Variants in ENPEP observed in about 807,000 individuals in gnomAD.
ENPEP encodes AP-A.
ENPEP carries 103 observed loss-of-function variants against 114.5 expected under a neutral mutation model. The observed-to-expected ratio is 0.90, with a 90% CI of 0.77 to 1.06. ENPEP has a LOEUF of 1.06. Among genes scored for constraint, ENPEP ranks in the 50% least tolerant of loss-of-function variants. The pLI, the probability that ENPEP is intolerant of heterozygous loss-of-function variation, is 0.00. For synonymous variants in ENPEP, 420 were observed against 422.0 expected (o/e 1.00, Z 0.06); for missense variants, 1,196 against 1,161.3 (o/e 1.03, Z -0.43).
chr4:110,529,876 C>G (rs1215473302), intron 10 of ENPEP, among the ~76,000 whole-genome samples: 1 of 151,870 alleles, frequency 6.6e-6, no homozygotes, highest in Non-Finnish European at 1.5e-5. Flanking sequence ...GAGTTCGAGA[C>G]CAACCTGGCC....
Position 110,565,089 on chromosome 4 carries a change from T to C in ENPEP, c.*3531T>C, listed in dbSNP as rs1727784894. On this transcript the variant is annotated 3_prime_UTR_variant, in exon 20 of 20. Transcript: ENST00000265162. ...TACCATAGTAATTTATTTCTTGTTC[T>C]TTCTCCTCCTCCTTCCTCTACTTCA... The C allele has an allele frequency of 6.6e-6, 1 of 152,230 alleles. No homozygotes were observed. Among genetic ancestry groups the C allele is most frequent in the South Asian group, 2.1e-4 (1 of 4,826 alleles). The allele number at this position is 152,230 out of a possible 1,614,324, so 9.4% of individuals were successfully genotyped here.
rs1301281861 is a variant in ENPEP at position 110,533,140 on chromosome 4, T to A, written c.1807+1863T>A. On this transcript the variant is annotated intron_variant, in intron 11 of 19. Transcript: ENST00000265162. ...AGCTGTTTGATTTACTGTTTACAAG[T>A]TTGAAAGCGTGAATAATTCATCTAC... 8 of 445,056 alleles carry A rather than the reference T, an allele frequency of 1.8e-5. No homozygotes were observed. The Admixed American group carries it at 1.9e-4, about 11-fold the overall frequency. The allele number at this position is 445,056 out of a possible 1,614,324, so 27.6% of individuals were successfully genotyped here. A position where few individuals can be genotyped will look rare whatever the true frequency, so the allele number is the denominator to read the frequency against.
intron 4 of ENPEP, among the ~76,000 whole-genome samples, 191 bp from the exon 5 acceptor site, chr4:110,509,462 C>A (rs1484224949): frequency 1.3e-5 from 2 of 152,206 alleles, no homozygotes; most frequent in Non-Finnish European, 2.9e-5. Context: ...CTGGAGCCAG[C>A]AGGGAATGCT....
rs1291171168 is a variant in ENPEP at position 110,476,907 on chromosome 4, A to C, written c.493A>C (p.Lys165Gln). 9.9e-6 allele frequency: 16 copies of C among 1,613,980 alleles called. No homozygotes were observed. The highest frequency in any genetic ancestry group is 1.4e-5 in the Non-Finnish European group (16 of 1,180,024). Residue 165 changes from lysine to glutamine, a missense_variant, in exon 1 of 20, where the codon AAG (lysine) becomes CAG (glutamine). Transcript: ENST00000265162. The stretch of plus-strand genomic sequence containing the variant: ...AGTCCGGAGGTGTTTCGAGTACAAA[A>C]AGCAGGAGTACGTGGTGGTCGAGGC... ...VQVRRCFEYK[K>Q]QEYVVVEAEE... is the part of the protein sequence containing the mutation.
intron 3 of ENPEP, among the ~76,000 whole-genome samples, chr4:110,504,315 G>T (rs1200607336): frequency 6.6e-6 from 1 of 152,160 alleles, no homozygotes; most frequent in Non-Finnish European, 1.5e-5. Context: ...TTTTCCTTAG[G>T]GTGGCTGCAG....
chr4:110,483,481 A>G (rs1418586168), intron 1 of ENPEP, among the ~76,000 whole-genome samples: 1 of 151,684 alleles, frequency 6.6e-6, no homozygotes, highest in Non-Finnish European at 1.5e-5. Flanking sequence ...TTTTTTTTAG[A>G]GTCAATTCAG....
chr4:110,488,499 G>C (rs1724584400), intron 1 of ENPEP, 42 bp from the exon 2 acceptor site: 3 of 1,551,896 alleles, frequency 1.9e-6, no homozygotes, highest in Admixed American at 2.0e-5. Context: ...GTTGTCAGAA[G>C]AGGCAGCATG....
chr4:110,513,396 G>T lies in ENPEP; in HGVS notation c.1309-19G>T, dbSNP rs776574416. ...ATAAAGGAAATACTATATTCCTTTG[G>T]CTCATTCTTTCATTTCAGCGTGACC... On this transcript the variant is annotated intron_variant, in intron 6 of 19. Coordinates refer to ENST00000265162, the MANE Select transcript of ENPEP (RefSeq NM_001977.4). 1.2e-5 allele frequency: 19 copies of T among 1,605,448 alleles called. No homozygotes were observed. Among genetic ancestry groups the T allele is most frequent in the East Asian group, 6.8e-5 (3 of 44,352 alleles).
intron 11 of ENPEP, among the ~76,000 whole-genome samples, chr4:110,534,556 G>A (rs1394665058): frequency 7.2e-5 from 10 of 139,804 alleles, no homozygotes; most frequent in Admixed American, 3.0e-4. Context: ...TGCCCAGGCC[G>A]GAGTGCAGTG....
rs944421773 is a variant in ENPEP, at chr4:110,531,278, G to A, written c.1807+1G>A. The A allele has an allele frequency of 2.1e-6, 3 of 1,413,392 alleles. No homozygotes were observed. Among genetic ancestry groups the A allele is most frequent in the African/African-American group, 1.4e-5 (1 of 69,430 alleles). 87.6% of individuals were successfully genotyped at this position (1,413,392 alleles called of 1,614,324 possible). ...TTATTTAATAGGTCAGAAAAAGAAG[G>A]TAAATATTATTAATTGATTTATTTC... On this transcript the variant is annotated splice_donor_variant, in intron 11 of 19. Transcript: ENST00000265162. LOFTEE classifies it high-confidence loss of function.
chr4:110,509,780 T>C lies in ENPEP; in HGVS notation c.1167T>C (p.Thr389=). Residue 389 remains threonine, a synonymous_variant, in exon 5 of 20, where the codon ACT becomes ACC. Transcript: ENST00000265162. ...CATCAAACCAACAGAGGGTGGCCAC[T>C]GTGGTTGCCCATGAACTTGTGCATC... ...SASSNQQRVA[T]VVAHELVHQW... 6.2e-7 allele frequency: 1 copy of C among 1,613,676 alleles called. No homozygotes were observed. The highest frequency in any genetic ancestry group is 8.5e-7 in the Non-Finnish European group (1 of 1,179,906).
chr4:110,553,652 T>A, intron 18 of ENPEP, 197 bp downstream of exon 18: 1 of 433,936 alleles, frequency 2.3e-6, no homozygotes, highest in Non-Finnish European at 3.9e-6. Flanking sequence ...TTCTGGAAAT[T>A]ATTGTTTCAA....
rs1208259925 is a variant in ENPEP at position 110,537,242 on chromosome 4, G to C, written c.1808-5509G>C. On this transcript the variant is annotated intron_variant, in intron 11 of 19. Transcript: ENST00000265162. Reference sequence around the variant, plus strand: ...CCTTCCTTTCACAAAAGGTTTCTTTGAAGCATGCGATGCTGTTTAATAGAA... The same window carrying C: ...CCTTCCTTTCACAAAAGGTTTCTTTCAAGCATGCGATGCTGTTTAATAGAA... Among the ~76,000 whole-genome samples, 3 of 152,140 alleles carry C rather than the reference G, an allele frequency of 2.0e-5. No individual in the cohort carries two copies. The East Asian group carries it at 5.8e-4, about 29-fold the overall frequency.
At chr4:110,510,640 A>C (rs916058957) in intron 6 of ENPEP, among the ~76,000 whole-genome samples, 1 of 152,204 alleles carries the variant, frequency 6.6e-6, no homozygotes, top group African/African-American at 2.4e-5. Flanking sequence ...GTGGCATAGA[A>C]AATGTTAACT....
Position 110,500,794 on chromosome 4 carries a change from G to A in ENPEP, c.919-5843G>A, listed in dbSNP as rs1445291266. Among the ~76,000 whole-genome samples, 4 of 152,264 alleles carry A rather than the reference G, an allele frequency of 2.6e-5. No individual in the cohort carries two copies. The East Asian group carries it at 7.7e-4, about 29-fold the overall frequency. Reference sequence around the variant, plus strand: ...GTCAATTATTAAATAATGATGACGAGTCAGGGGTAATTGCCTGAACTTTAT... The same window carrying A: ...GTCAATTATTAAATAATGATGACGAATCAGGGGTAATTGCCTGAACTTTAT... On this transcript the variant is annotated intron_variant, in intron 3 of 19. Coordinates refer to ENST00000265162, the MANE Select transcript of ENPEP (RefSeq NM_001977.4).
chr4:110,534,268 C>T (rs1462952192), intron 11 of ENPEP, among the ~76,000 whole-genome samples: 2 of 151,958 alleles, frequency 1.3e-5, no homozygotes, highest in African/African-American at 2.4e-5. Context: ...CTATTTTAGG[C>T]GTTAAAACAA....
Position 110,564,851 on chromosome 4 carries a change from C to T in ENPEP, c.*3293C>T, listed in dbSNP as rs541802061. The T allele has an allele frequency of 2.4e-4, 37 of 152,282 alleles. No homozygotes were observed. The highest frequency in any genetic ancestry group is 8.9e-4 in the African/African-American group (37 of 41,554). 9.4% of individuals were successfully genotyped at this position (152,282 alleles called of 1,614,324 possible). A position where few individuals can be genotyped will look rare whatever the true frequency, so the allele number is the denominator to read the frequency against. On this transcript the variant is annotated 3_prime_UTR_variant, in exon 20 of 20. Transcript: ENST00000265162. ...TGCCATGTTCTCCGTGTTTCTTCTG[C>T]TCCTAGATGCAGCAGTATTCCAGAT...
intron 3 of ENPEP, among the ~76,000 whole-genome samples, chr4:110,500,654 T>C (rs961501287): frequency 1.3e-5 from 2 of 152,152 alleles, no homozygotes; most frequent in African/African-American, 2.4e-5. Context: ...TTTTAAAAGA[T>C]AAAGAAGAAA....
At chr4:110,521,924 G>A (rs1000674954) in intron 10 of ENPEP, among the ~76,000 whole-genome samples, 4 of 147,924 alleles carry the variant, frequency 2.7e-5, no homozygotes, top group African/African-American at 1.1e-4. Flanking sequence ...TGTCACCCAG[G>A]TTGGAGTGCA....
Sources: gnomAD v4.1 joint callset for allele counts (sites outside exome capture counted in the v4.1 genomes callset) on GRCh38, gnomAD v4.1.1 for gene constraint, MANE v1.5 for transcripts, NCBI Gene and HGNC (gene_info 2026-07-23, HGNC 2026-07-21) for gene names.